The following DCAF4L2 variants were observed in gnomAD, a reference collection of about 807,000 sequenced individuals.
DCAF4L2 encodes the protein DDB1- and CUL4-associated factor 4-like protein 2.
Under a neutral mutation model 15.5 loss-of-function variants are expected in DCAF4L2, and 13 were observed. The observed-to-expected ratio is 0.84, with a 90% CI of 0.54 to 1.33. The LOEUF is 1.33. Among genes scored for constraint, DCAF4L2 ranks in the 40% most tolerant of loss-of-function variants. The pLI, the probability that DCAF4L2 is intolerant of heterozygous loss-of-function variation, is 0.00. For missense variants in DCAF4L2, 519 were observed against 509.6 expected (o/e 1.02, Z -0.18); for synonymous variants, 251 against 207.0 (o/e 1.21, Z -1.83).
At position 87,872,335 on chromosome 8, in the gene DCAF4L2, C is replaced by G. The variant is rs1809412385; in HGVS notation, c.*449G>C. 3 of 153,808 alleles carry G rather than the reference C, an allele frequency of 2.0e-5. No individual in the cohort carries two copies. Among genetic ancestry groups the G allele is most frequent in the African/African-American group, 7.2e-5 (3 of 41,434 alleles). 9.5% of individuals were successfully genotyped at this position (153,808 alleles called of 1,614,324 possible). On this transcript the variant is annotated 3_prime_UTR_variant, in exon 1 of 1. Coordinates refer to ENST00000319675, the MANE Select transcript of DCAF4L2 (RefSeq NM_152418.4). ...CTCAGATAAATGACCTCCCCCTCCTCTCCTCTCCCACTGGCCTCTTCAAGT... is the reference window on the plus strand; with the variant it reads ...CTCAGATAAATGACCTCCCCCTCCTGTCCTCTCCCACTGGCCTCTTCAAGT...
chr8:87,872,741 C>A lies in DCAF4L2; in HGVS notation c.*43G>T, dbSNP rs756306043. The A allele has an allele frequency of 6.6e-7, 1 of 1,518,482 alleles. No homozygotes were observed. The highest frequency in any genetic ancestry group is 2.3e-5 in the East Asian group (1 of 44,092). The allele number at this position is 1,518,482 out of a possible 1,614,324, so 94.1% of individuals were successfully genotyped here. ...AACGGTAATACGATGCTCTTTACTT[C>A]TTTAAGTCAAATCCACGTTCCTCCG... On this transcript the variant is annotated 3_prime_UTR_variant, in exon 1 of 1. Transcript: ENST00000319675.
At position 87,873,846 on chromosome 8, in the gene DCAF4L2, A is replaced by G; in HGVS notation, c.126T>C (p.Tyr42=). Residue 42 remains tyrosine, a synonymous_variant, in exon 1 of 1, where the codon TAT becomes TAC. Coordinates refer to ENST00000319675, the MANE Select transcript of DCAF4L2 (RefSeq NM_152418.4). ...NQLGFLRFAN[Y]CRIARELRVS... ...CACGCAGCTCGCGAGCTATACGGCA[A>G]TAGTTGGCGAATCTGAGGAAACCTA... is the stretch of plus-strand genomic sequence containing the variant. The G allele has an allele frequency of 6.2e-7, 1 of 1,614,112 alleles. No homozygotes were observed. Among genetic ancestry groups the G allele is most frequent in the Non-Finnish European group, 8.5e-7 (1 of 1,180,032 alleles).
In DCAF4L2 at chr8:87,872,491, G is replaced by GT. The variant is rs1013899544; in HGVS notation, c.*292dup. On this transcript the variant is annotated 3_prime_UTR_variant, in exon 1 of 1. Transcript: ENST00000319675. ...GCCAATCTTCAGTCCTTAGAAAAGT[G>GT]TTTTTTTGTTAAAAAAAAAAAAAAA... 2.2e-4 allele frequency: 39 copies of GT among 179,210 alleles called. No individual in the cohort carries two copies. The highest frequency in any genetic ancestry group is 1.5e-3 in the African/African-American group (35 of 23,220). 11.1% of individuals were successfully genotyped at this position (179,210 alleles called of 1,614,324 possible).
rs1809447936 is a variant in DCAF4L2 at position 87,873,741 on chromosome 8, T to C, written c.231A>G (p.Ile77Met). 1.2e-6 allele frequency: 2 copies of C among 1,614,068 alleles called. No individual in the cohort carries two copies. The highest frequency in any genetic ancestry group is 1.3e-5 in the African/African-American group (1 of 74,926). ...SSLASDRFNR[I>M]LANTNTDQLF... Reference sequence around the variant, plus strand: ...GCTGGTCAGTGTTGGTATTCGCCAGTATGCGGTTAAATCGGTCGCTTGCCA... The same window carrying C: ...GCTGGTCAGTGTTGGTATTCGCCAGCATGCGGTTAAATCGGTCGCTTGCCA... Residue 77 changes from isoleucine to methionine, a missense_variant, in exon 1 of 1, where the codon ATA becomes ATG. By Grantham distance (10) the Ile-to-Met change is conservative. Coordinates refer to ENST00000319675, the MANE Select transcript of DCAF4L2 (RefSeq NM_152418.4).
Position 87,873,169 on chromosome 8 carries a change from G to T in DCAF4L2, c.803C>A (p.Ser268Tyr). The T allele has an allele frequency of 1.2e-6, 2 of 1,614,126 alleles. No individual in the cohort carries two copies. The highest frequency in any genetic ancestry group is 1.7e-6 in the Non-Finnish European group (2 of 1,180,018). Reference sequence around the variant, plus strand: ...CAGAGAAGTCACTGCTGAATCATGGGACAGGCAAATGGCCTTCCACCCGCT... The same window carrying T: ...CAGAGAAGTCACTGCTGAATCATGGTACAGGCAAATGGCCTTCCACCCGCT... ...QGSGWKAICL[S>Y]HDSAVTSLQI... Residue 268 changes from serine to tyrosine, a missense_variant, in exon 1 of 1, where the codon TCC becomes TAC. By Grantham distance (144) the Ser-to-Tyr change is moderately radical. Coordinates refer to ENST00000319675, the MANE Select transcript of DCAF4L2 (RefSeq NM_152418.4).
Position 87,873,200 on chromosome 8 carries a change from G to C in DCAF4L2, c.772C>G (p.Gln258Glu). The C allele has an allele frequency of 6.2e-7, 1 of 1,614,132 alleles. No individual in the cohort carries two copies. The highest frequency in any genetic ancestry group is 8.5e-7 in the Non-Finnish European group (1 of 1,180,028). ...IFGIDLRCGN[Q>E]GSGWKAICLS... ...CAAATGGCCTTCCACCCGCTGCCTT[G>C]ATTTCCACAGCGCAGATCAATGCCA... is the stretch of plus-strand genomic sequence containing the variant. Residue 258 changes from glutamine (Q) to glutamate (E), a missense_variant, in exon 1 of 1, where the codon CAA becomes GAA. Physicochemically the swap from Gln to Glu is conservative, Grantham distance 29 (BLOSUM62 2). Transcript: ENST00000319675.
chr8:87,872,037 A>G lies in DCAF4L2; in HGVS notation c.*747T>C, dbSNP rs1161068311. Reference sequence around the variant, plus strand: ...AAACTGCTGCTCCTAGATTACAAAAAGTCAAAGCCAATTATCTTTGACACT... The same window carrying G: ...AAACTGCTGCTCCTAGATTACAAAAGGTCAAAGCCAATTATCTTTGACACT... On this transcript the variant is annotated 3_prime_UTR_variant, in exon 1 of 1. Coordinates refer to ENST00000319675, the MANE Select transcript of DCAF4L2 (RefSeq NM_152418.4). 1 of 164,408 alleles carries G rather than the reference A, an allele frequency of 6.1e-6. No homozygotes were observed. Among genetic ancestry groups the G allele is most frequent in the East Asian group, 1.9e-4 (1 of 5,192 alleles). 10.2% of individuals were successfully genotyped at this position (164,408 alleles called of 1,614,324 possible).
chr8:87,872,887 T>G lies in DCAF4L2; in HGVS notation c.1085A>C (p.Asp362Ala). ...AGAAGAGAAGGCCACACTGGGAATG[T>G]CGTTCTCCGAGGCGGGGTATGGGGA... is the stretch of plus-strand genomic sequence containing the variant. ...IPSPYPASEN[D>A]IPSVAFSSRL... is the part of the protein sequence containing the mutation. The change falls in exon 1 of 1, where the codon GAC becomes GCC. Residue 362 changes from aspartate to alanine, a missense_variant. Asp to Ala is a moderately radical substitution (Grantham distance 126). Transcript: ENST00000319675. 6.2e-7 allele frequency: 1 copy of G among 1,614,064 alleles called. No homozygotes were observed. The highest frequency in any genetic ancestry group is 8.5e-7 in the Non-Finnish European group (1 of 1,179,998).
In DCAF4L2 at chr8:87,873,794, G is replaced by A; in HGVS notation, c.178C>T (p.Gln60Ter). ...RVSCMQRKKV[Q>*]IHSWDPSSLA... ...GAGGAGGGATCCCAGCTATGAATCT[G>A]GACCTTTTTCCTCTGCATGCAGCTT... Residue 60 changes from glutamine to a stop codon, truncating the protein, a stop_gained, in exon 1 of 1, where the codon CAG becomes TAG. Transcript: ENST00000319675. LOFTEE classifies it high-confidence loss of function. The A allele has an allele frequency of 6.2e-7, 1 of 1,614,106 alleles. No homozygotes were observed. The highest frequency in any genetic ancestry group is 8.5e-7 in the Non-Finnish European group (1 of 1,180,030).
In DCAF4L2 at chr8:87,873,849, G is replaced by C. The variant is rs1563480965; in HGVS notation, c.123C>G (p.Asn41Lys). 1.2e-6 allele frequency: 2 copies of C among 1,614,146 alleles called. No individual in the cohort carries two copies. The highest frequency in any genetic ancestry group is 1.7e-6 in the Non-Finnish European group (2 of 1,180,038). Residue 41 changes from asparagine (N) to lysine (K), a missense_variant, in exon 1 of 1, where the codon AAC becomes AAG. Coordinates refer to ENST00000319675, the MANE Select transcript of DCAF4L2 (RefSeq NM_152418.4). Reference sequence around the variant, plus strand: ...GCAGCTCGCGAGCTATACGGCAATAGTTGGCGAATCTGAGGAAACCTAGCT... The same window carrying C: ...GCAGCTCGCGAGCTATACGGCAATACTTGGCGAATCTGAGGAAACCTAGCT... ...KNQLGFLRFA[N>K]YCRIARELRV...
At position 87,873,684 on chromosome 8, in the gene DCAF4L2, G is replaced by T; in HGVS notation, c.288C>A (p.Gly96=). 1 of 1,614,186 alleles carries T rather than the reference G, an allele frequency of 6.2e-7. No homozygotes were observed. The highest frequency in any genetic ancestry group is 8.5e-7 in the Non-Finnish European group (1 of 1,180,032). ...LFTVNQVEAG[G]SKYGIITMRG... is the part of the protein sequence containing the mutation. ...GCATGGTGATGATGCCGTACTTGGA[G>T]CCTCCAGCTTCGACTTGGTTCACTG... Residue 96 remains glycine (G), a synonymous_variant, in exon 1 of 1, where the codon GGC becomes GGA. Transcript: ENST00000319675.
rs1809440777 is a variant in DCAF4L2 at position 87,873,497 on chromosome 8, G to A, written c.475C>T (p.Leu159Phe). The part of the protein sequence containing the change: ...LADTPSCAVL[L>F]PASLFIGSFP... ...CTACCTATGAACAGCGACGCTGGGAGCAGCACGGCACAGCTTGGAGTATCT... is the reference window on the plus strand; with the variant it reads ...CTACCTATGAACAGCGACGCTGGGAACAGCACGGCACAGCTTGGAGTATCT... Residue 159 changes from leucine to phenylalanine, a missense_variant, in exon 1 of 1, where the codon CTC (leucine) becomes TTC (phenylalanine). Coordinates refer to ENST00000319675, the MANE Select transcript of DCAF4L2 (RefSeq NM_152418.4). 6.2e-7 allele frequency: 1 copy of A among 1,614,116 alleles called. No individual in the cohort carries two copies. The highest frequency in any genetic ancestry group is 1.1e-5 in the South Asian group (1 of 91,092).
Position 87,873,798 on chromosome 8 carries a change from C to T in DCAF4L2, c.174G>A (p.Lys58=), listed in dbSNP as rs1809449916. ...AGGGATCCCAGCTATGAATCTGGAC[C>T]TTTTTCCTCTGCATGCAGCTTACAC... ...ELRVSCMQRK[K]VQIHSWDPSS... Residue 58 remains lysine (K), a synonymous_variant, in exon 1 of 1, where the codon AAG becomes AAA. Coordinates refer to ENST00000319675, the MANE Select transcript of DCAF4L2 (RefSeq NM_152418.4). 6.2e-7 allele frequency: 1 copy of T among 1,614,122 alleles called. No homozygotes were observed. Among genetic ancestry groups the T allele is most frequent in the Middle Eastern group, 1.6e-4 (1 of 6,062 alleles).
At position 87,872,210 on chromosome 8, in the gene DCAF4L2, A is replaced by G. The variant is rs994180088; in HGVS notation, c.*574T>C. On this transcript the variant is annotated 3_prime_UTR_variant, in exon 1 of 1. Transcript: ENST00000319675. ...AGATCCACCTTTCCTCCCATTGCCT[A>G]TGGAAAATAATAAAAGGAGAATCTC... 6.2e-6 allele frequency: 1 copy of G among 160,942 alleles called. No homozygotes were observed. Among genetic ancestry groups the G allele is most frequent in the African/African-American group, 2.4e-5 (1 of 41,450 alleles). The allele number at this position is 160,942 out of a possible 1,614,324, so 10.0% of individuals were successfully genotyped here. A position where few individuals can be genotyped will look rare whatever the true frequency, so the allele number is the denominator to read the frequency against.
rs901536837 is a variant in DCAF4L2, at chr8:87,870,834, A to G, written c.*1950T>C. On this transcript the variant is annotated 3_prime_UTR_variant, in exon 1 of 1. Coordinates refer to ENST00000319675, the MANE Select transcript of DCAF4L2 (RefSeq NM_152418.4). ...ACATTTTCTTTTGTCAACTGCCCAT[A>G]GCTGCTTTTGGACTTTTTTAAAAAA... The G allele has an allele frequency of 1.3e-5, 2 of 152,142 alleles. No homozygotes were observed. Among genetic ancestry groups the G allele is most frequent in the Admixed American group, 1.3e-4 (2 of 15,274 alleles). The allele number at this position is 152,142 out of a possible 1,614,324, so 9.4% of individuals were successfully genotyped here.
chr8:87,872,578 G>A lies in DCAF4L2; in HGVS notation c.*206C>T. 4.3e-6 allele frequency: 2 copies of A among 459,842 alleles called. No individual in the cohort carries two copies. The highest frequency in any genetic ancestry group is 7.5e-6 in the Non-Finnish European group (2 of 265,918). 28.5% of individuals were successfully genotyped at this position (459,842 alleles called of 1,614,324 possible). A position where few individuals can be genotyped will look rare whatever the true frequency, so the allele number is the denominator to read the frequency against. ...AGGAAATAGTTATCTTTTATGAAAA[G>A]GACTTTCAAGCTCTCTCAGCCCAGT... On this transcript the variant is annotated 3_prime_UTR_variant, in exon 1 of 1. Transcript: ENST00000319675.
In DCAF4L2 at chr8:87,873,745, C is replaced by A. The variant is rs865992251; in HGVS notation, c.227G>T (p.Arg76Leu). 8 of 1,614,012 alleles carry A rather than the reference C, an allele frequency of 5.0e-6. No homozygotes were observed. In the Admixed American group the frequency reaches 6.7e-5, roughly 13 times the overall value. Reference sequence around the variant, plus strand: ...GTCAGTGTTGGTATTCGCCAGTATGCGGTTAAATCGGTCGCTTGCCAAAGA... The same window carrying A: ...GTCAGTGTTGGTATTCGCCAGTATGAGGTTAAATCGGTCGCTTGCCAAAGA... ...PSSLASDRFN[R>L]ILANTNTDQL... The change falls in exon 1 of 1, where the codon CGC becomes CTC. Residue 76 changes from arginine to leucine, a missense_variant. Arg to Leu is a moderately radical substitution (Grantham distance 102). Coordinates refer to ENST00000319675, the MANE Select transcript of DCAF4L2 (RefSeq NM_152418.4).
Position 87,873,646 on chromosome 8 carries a change from G to A in DCAF4L2, c.326C>T (p.Thr109Ile). The A allele has an allele frequency of 6.2e-7, 1 of 1,614,188 alleles. No individual in the cohort carries two copies. The highest frequency in any genetic ancestry group is 8.5e-7 in the Non-Finnish European group (1 of 1,180,026). ...GTGCGGGTATACCCGGAGCTCAGGG[G>A]TCGTCAGGCCTCGCATGGTGATGAT... ...YGIITMRGLT[T>I]PELRVYPHKT... The change falls in exon 1 of 1, where the codon ACC becomes ATC. Residue 109 changes from threonine to isoleucine, a missense_variant. Thr to Ile is a moderately conservative substitution (Grantham distance 89). Coordinates refer to ENST00000319675, the MANE Select transcript of DCAF4L2 (RefSeq NM_152418.4).
At position 87,872,598 on chromosome 8, in the gene DCAF4L2, C is replaced by T; in HGVS notation, c.*186G>A. On this transcript the variant is annotated 3_prime_UTR_variant, in exon 1 of 1. Transcript: ENST00000319675. ...GAAAAGGACTTTCAAGCTCTCTCAG[C>T]CCAGTTTAACTGAAACAACTTTACA... 2 of 538,404 alleles carry T rather than the reference C, an allele frequency of 3.7e-6. No homozygotes were observed. The highest frequency in any genetic ancestry group is 6.0e-5 in the East Asian group (2 of 33,392). 33.4% of individuals were successfully genotyped at this position (538,404 alleles called of 1,614,324 possible). A position where few individuals can be genotyped will look rare whatever the true frequency, so the allele number is the denominator to read the frequency against.
Sources: allele counts gnomAD v4.1 joint callset, GRCh38; gene constraint gnomAD v4.1.1; transcripts MANE v1.5; gene names NCBI Gene and HGNC (gene_info 2026-07-23, HGNC 2026-07-21).